The following STOX2 variants were observed in gnomAD, a reference collection of about 807,000 sequenced individuals.
STOX2 encodes the protein storkhead box 2.
Under a neutral mutation model 60.9 loss-of-function variants are expected in STOX2, and 28 were observed. That is an observed-to-expected ratio of 0.46 (90% CI 0.34 to 0.63). STOX2 has a LOEUF of 0.63. STOX2 is among the 30% of genes least tolerant of loss of function. The pLI is 0.01. For missense variants in STOX2, 1,024 were observed against 1,187.7 expected (o/e 0.86, Z 2.03); for synonymous variants, 472 against 463.9 (o/e 1.02, Z -0.22).
intron 1 of STOX2, among the ~76,000 whole-genome samples, chr4:183,989,843 CA>C (rs1215067824): frequency 6.6e-6 from 1 of 152,162 alleles, no homozygotes; most frequent in Non-Finnish European, 1.5e-5. Flanking sequence ...AGACTTGGCA[CA>C]TCTGAAAGCA....
chr4:183,844,901 A>G (rs1473005579), intron 1 of STOX2, among the ~76,000 whole-genome samples: 1 of 152,230 alleles, frequency 6.6e-6, no homozygotes, highest in Non-Finnish European at 1.5e-5. Context: ...TCACATGTGC[A>G]CAGTGCTTTA....
intron 1 of STOX2, among the ~76,000 whole-genome samples, chr4:183,956,668 T>C (rs1743260133): frequency 6.6e-6 from 1 of 152,194 alleles, no homozygotes; most frequent in Admixed American, 6.5e-5. Flanking sequence ...ATTTCTAGTG[T>C]GCAGTTAACA....
At chr4:183,948,983 C>G (rs1454190628) in intron 1 of STOX2, among the ~76,000 whole-genome samples, 1 of 152,124 alleles carries the variant, frequency 6.6e-6, no homozygotes, top group Non-Finnish European at 1.5e-5. Flanking sequence ...CTATCCATTG[C>G]TGAAACAAGG....
intron 1 of STOX2, among the ~76,000 whole-genome samples, chr4:183,867,878 A>G (rs1038626938): frequency 2.6e-5 from 4 of 152,252 alleles, no homozygotes; most frequent in Non-Finnish European, 5.9e-5. Flanking sequence ...AAGAGCTAGA[A>G]TAGAGCACCG....
intron 1 of STOX2, among the ~76,000 whole-genome samples, chr4:183,994,193 A>C (rs930894256): frequency 6.6e-6 from 1 of 152,228 alleles, no homozygotes; most frequent in Admixed American, 6.5e-5. Flanking sequence ...GGAGAGGAAT[A>C]GAGTTGTGTT....
chr4:183,855,278 T>C (rs1453328282), intron 1 of STOX2, among the ~76,000 whole-genome samples: 3 of 152,232 alleles, frequency 2.0e-5, no homozygotes, highest in African/African-American at 7.2e-5. Flanking sequence ...TGAAGGGTGC[T>C]CTTCTGTTAG....
chr4:183,981,570 T>C (rs1245119618), intron 1 of STOX2, among the ~76,000 whole-genome samples: 1 of 152,168 alleles, frequency 6.6e-6, no homozygotes, highest in Non-Finnish European at 1.5e-5. Context: ...TCTTATTGTT[T>C]AATGTTAAAA....
intron 1 of STOX2, among the ~76,000 whole-genome samples, chr4:183,917,782 G>A (rs1006198141): frequency 6.6e-6 from 1 of 152,202 alleles, no homozygotes; most frequent in African/African-American, 2.4e-5. Flanking sequence ...ATGCCTTTAT[G>A]TGGTAAGGCA....
At chr4:183,899,687 G>A (rs561414512) in intron 1 of STOX2, among the ~76,000 whole-genome samples, 1 of 152,334 alleles carries the variant, frequency 6.6e-6, no homozygotes, top group East Asian at 1.9e-4. Flanking sequence ...ATGAGGCTTA[G>A]GAAAAGGAGC....
chr4:183,958,713 C>T (rs1455505615), intron 1 of STOX2, among the ~76,000 whole-genome samples: 1 of 152,164 alleles, frequency 6.6e-6, no homozygotes, highest in Non-Finnish European at 1.5e-5. Context: ...AGAGAATAAG[C>T]AGTATTTACC....
intron 1 of STOX2, among the ~76,000 whole-genome samples, chr4:183,962,253 T>C (rs1171538334): frequency 6.6e-6 from 1 of 152,222 alleles, no homozygotes; most frequent in Non-Finnish European, 1.5e-5. Flanking sequence ...TCCCTTACTT[T>C]AAAATGTAGA....
Position 183,825,185 on chromosome 4 carries a change from C to T in STOX2, c.364+27130C>T, listed in dbSNP as rs1254061411. On this transcript the variant is annotated intron_variant, in intron 1 of 2. Coordinates refer to the STOX2 transcript ENST00000513034. This position sits in a 1 kb window ranked among gnomAD's most constrained non-coding sequence, Gnocchi z 4.1. ...GTGTCAGGAGGTCGTGGTGGATGGT[C>T]TCAGGTCCACCATGAGGACGGCTGG... Among the ~76,000 whole-genome samples, 1 of 152,220 alleles carries T rather than the reference C, an allele frequency of 6.6e-6. No individual in the cohort carries two copies. Among genetic ancestry groups the T allele is most frequent in the East Asian group, 1.9e-4 (1 of 5,198 alleles).
intron 1 of STOX2, among the ~76,000 whole-genome samples, chr4:183,857,024 A>G (rs1740301466): frequency 6.6e-6 from 1 of 152,104 alleles, no homozygotes; most frequent in Non-Finnish European, 1.5e-5. Flanking sequence ...GGTTTGGAGG[A>G]CAGGAAGTTC....
At chr4:183,869,431 A>C (rs934712873) in intron 1 of STOX2, among the ~76,000 whole-genome samples, 4 of 152,196 alleles carry the variant, frequency 2.6e-5, no homozygotes, top group Non-Finnish European at 4.4e-5. Flanking sequence ...GTTAAAAGCT[A>C]TAATGGATCA....
chr4:183,889,371 C>G (rs1016861310), intron 1 of STOX2, among the ~76,000 whole-genome samples: 1 of 152,122 alleles, frequency 6.6e-6, no homozygotes, highest in African/African-American at 2.4e-5. Context: ...AGGTCACCAG[C>G]GTGCCCCAGA....
intron 1 of STOX2, among the ~76,000 whole-genome samples, chr4:183,986,053 C>A (rs948872687): frequency 1.3e-5 from 2 of 151,508 alleles, no homozygotes; most frequent in African/African-American, 4.9e-5. Flanking sequence ...GCATGAGAAG[C>A]TAGTGGCTTA....
Position 184,020,743 on chromosome 4 carries a change from A to T in STOX2, c.*3459A>T, listed in dbSNP as rs1734554201. 1 of 152,136 alleles carries T rather than the reference A, an allele frequency of 6.6e-6. No individual in the cohort carries two copies. The highest frequency in any genetic ancestry group is 1.5e-5 in the Non-Finnish European group (1 of 68,036). The allele number at this position is 152,136 out of a possible 1,614,324, so 9.4% of individuals were successfully genotyped here. A position where few individuals can be genotyped will look rare whatever the true frequency, so the allele number is the denominator to read the frequency against. ...GAAGAGGTGAATGGAGACTAGCTGG[A>T]TAAAAATAACAAATTACTTCTTCTC... On this transcript the variant is annotated 3_prime_UTR_variant, in exon 4 of 4. Transcript: ENST00000308497.
At chr4:183,978,522 A>C (rs1334761123) in intron 1 of STOX2, among the ~76,000 whole-genome samples, 1 of 152,184 alleles carries the variant, frequency 6.6e-6, no homozygotes, top group African/African-American at 2.4e-5. Flanking sequence ...GTATCATTTG[A>C]AGTCAGGTGA....
At chr4:183,936,321 C>T (rs1742589158) in intron 1 of STOX2, among the ~76,000 whole-genome samples, 1 of 152,096 alleles carries the variant, frequency 6.6e-6, no homozygotes, top group African/African-American at 2.4e-5. Context: ...CTCTACTCAG[C>T]GTAATTGCTT....
Sources: gnomAD v4.1 joint callset for allele counts (sites outside exome capture counted in the v4.1 genomes callset) on GRCh38, gnomAD v4.1.1 for gene constraint, Gnocchi (gnomAD v3.1) non-coding constraint, MANE v1.5 for transcripts, NCBI Gene and HGNC (gene_info 2026-07-23, HGNC 2026-07-21) for gene names.